The following TMEM267 variants were observed in gnomAD, a reference collection of about 807,000 sequenced individuals.
The protein encoded by TMEM267 is transmembrane protein 267.
TMEM267 carries 20 observed loss-of-function variants against 19.3 expected under a neutral mutation model. The ratio of observed to expected loss-of-function variants is 1.04; its 90% confidence interval spans 0.73 to 1.51. The LOEUF is 1.51. Ranked by LOEUF, TMEM267 falls within the 40% of genes most tolerant of loss-of-function variation. The pLI, the probability that TMEM267 is intolerant of heterozygous loss-of-function variation, is 0.00. For missense variants in TMEM267, 242 were observed against 261.9 expected (o/e 0.92, Z 0.52); for synonymous variants, 88 against 90.3 (o/e 0.97, Z 0.15).
chr5:43,481,949 T>C lies in TMEM267; in HGVS notation c.-75+1873A>G, dbSNP rs1275781466. Among the ~76,000 whole-genome samples, 5 of 152,246 alleles carry C rather than the reference T, an allele frequency of 3.3e-5. No individual in the cohort carries two copies. In the East Asian group the frequency reaches 9.7e-4, roughly 29 times the overall value. ...GCTCCCCCTCCCGGGTTCACGCCATTCTCCTGCCTCAGCCTCCCGAATAGC... is the reference window on the plus strand; with the variant it reads ...GCTCCCCCTCCCGGGTTCACGCCATCCTCCTGCCTCAGCCTCCCGAATAGC... On this transcript the variant is annotated intron_variant, in intron 1 of 2. Transcript: ENST00000397080.
At chr5:43,452,601 A>AAAT (rs1419743418) in intron 2 of TMEM267, among the ~76,000 whole-genome samples, 3 of 151,784 alleles carry the variant, frequency 2.0e-5, no homozygotes, top group African/African-American at 7.3e-5. Flanking sequence ...AAAAAAAAAA[A>AAAT]ACTGAAGAAA....
intron 1 of TMEM267, among the ~76,000 whole-genome samples, chr5:43,461,194 C>A (rs1170619467): frequency 6.6e-6 from 1 of 152,192 alleles, no homozygotes; most frequent in African/African-American, 2.4e-5. Context: ...AGAAGGGAAA[C>A]CCCTGCCTTG....
rs749993631 is a variant in TMEM267, at chr5:43,453,771, C to T, written c.199G>A (p.Val67Ile). The change falls in exon 2 of 3, where the codon GTA (valine) becomes ATA (isoleucine). Residue 67 changes from valine (V) to isoleucine (I), a missense_variant. By Grantham distance (29) the Val-to-Ile change is conservative (BLOSUM62 3). Coordinates refer to ENST00000397080, the MANE Select transcript of TMEM267 (RefSeq NM_022483.5). Reference sequence around the variant, plus strand: ...GTCTTCTTCTTGATTCCAGTGACTACCGCCCATGACCACATGCCAATTACA... The same window carrying T: ...GTCTTCTTCTTGATTCCAGTGACTATCGCCCATGACCACATGCCAATTACA... ...HCVIGMWSWA[V>I]VTGIKKKTDF... 5 of 1,613,916 alleles carry T rather than the reference C, an allele frequency of 3.1e-6. No homozygotes were observed. The African/African-American group carries it at 5.3e-5, about 17-fold the overall frequency.
chr5:43,469,998 T>G (rs1392997373), intron 1 of TMEM267, among the ~76,000 whole-genome samples: 12 of 152,228 alleles, frequency 7.9e-5, no homozygotes, highest in Non-Finnish European at 1.8e-4. Context: ...GCAGATTCAC[T>G]GAGCCAGATA....
intron 2 of TMEM267, 119 bp downstream of exon 2, chr5:43,453,539 C>T (rs1579790319): frequency 1.1e-6 from 1 of 872,002 alleles, no homozygotes; most frequent in East Asian, 2.6e-5. Context: ...AAAAAGGTTA[C>T]ATGAATGTGC....
intron 1 of TMEM267, among the ~76,000 whole-genome samples, chr5:43,468,875 C>A (rs1418258920): frequency 1.3e-5 from 2 of 152,164 alleles, no homozygotes; most frequent in Non-Finnish European, 2.9e-5. Context: ...CAAGCATCTT[C>A]CCTGACCACA....
intron 1 of TMEM267, among the ~76,000 whole-genome samples, chr5:43,469,710 G>C (rs1026868340): frequency 1.3e-5 from 2 of 152,166 alleles, no homozygotes; most frequent in Non-Finnish European, 2.9e-5. Context: ...CAAGAGAAAA[G>C]TAAACTTGGG....
chr5:43,482,951 T>C (rs1402718753), intron 1 of TMEM267, among the ~76,000 whole-genome samples: 1 of 152,240 alleles, frequency 6.6e-6, no homozygotes, highest in African/African-American at 2.4e-5. Context: ...GTCATCTGTT[T>C]TAACTTTCCC....
chr5:43,478,892 A>G (rs1744590820), intron 1 of TMEM267, among the ~76,000 whole-genome samples: 1 of 152,130 alleles, frequency 6.6e-6, no homozygotes, highest in African/African-American at 2.4e-5. Flanking sequence ...GATCACTCTC[A>G]AAGATTATTG....
intron 1 of TMEM267, among the ~76,000 whole-genome samples, chr5:43,458,439 C>G (rs1157142119): frequency 2.0e-5 from 3 of 152,128 alleles, no homozygotes; most frequent in African/African-American, 7.2e-5. Flanking sequence ...TAGTATAATT[C>G]TACTTATTTA....
chr5:43,458,640 CTG>C (rs1261443372), intron 1 of TMEM267, among the ~76,000 whole-genome samples: 21 of 152,130 alleles, frequency 1.4e-4, no homozygotes, highest in African/African-American at 4.1e-4. Flanking sequence ...ACGTATCAAA[CTG>C]TATATTTTAA....
At chr5:43,460,401 C>G (rs1166606915) in intron 1 of TMEM267, among the ~76,000 whole-genome samples, 2 of 152,026 alleles carry the variant, frequency 1.3e-5, no homozygotes, top group Non-Finnish European at 2.9e-5. Context: ...AGCAAAATAG[C>G]AGAATAGAAG....
chr5:43,473,339 T>C (rs897573528), intron 1 of TMEM267, among the ~76,000 whole-genome samples: 3 of 152,014 alleles, frequency 2.0e-5, no homozygotes, highest in Non-Finnish European at 4.4e-5. Flanking sequence ...GATGACATGA[T>C]TGTATAATTA....
chr5:43,458,581 T>C (rs1008977267), intron 1 of TMEM267, among the ~76,000 whole-genome samples: 2 of 152,226 alleles, frequency 1.3e-5, no homozygotes, highest in Admixed American at 6.5e-5. Context: ...GTTCATTATC[T>C]TGACTGTGGT....
intron 1 of TMEM267, among the ~76,000 whole-genome samples, chr5:43,456,374 G>T (rs78321138): frequency 6.6e-6 from 1 of 152,104 alleles, no homozygotes; most frequent in South Asian, 2.1e-4. Context: ...CTTGGGTCAC[G>T]CAAAGAGTTA....
intron 1 of TMEM267, chr5:43,454,583 T>C (rs1742831991): frequency 6.6e-6 from 1 of 152,254 alleles, no homozygotes; most frequent in African/African-American, 2.4e-5. Flanking sequence ...TTGGAGGCCA[T>C]GGGCTCCACT....
intron 1 of TMEM267, among the ~76,000 whole-genome samples, chr5:43,463,820 T>C (rs547678035): frequency 1.6e-4 from 25 of 152,306 alleles, no homozygotes; most frequent in Non-Finnish European, 3.5e-4. Context: ...TAATCAGAGC[T>C]ATCTATGACA....
chr5:43,468,491 G>T (rs1470266046), intron 1 of TMEM267, among the ~76,000 whole-genome samples: 1 of 152,124 alleles, frequency 6.6e-6, no homozygotes, highest in Non-Finnish European at 1.5e-5. Flanking sequence ...GAAAAAGGGA[G>T]AGTCTAAAAA....
chr5:43,452,965 G>A (rs903561658), intron 2 of TMEM267, among the ~76,000 whole-genome samples: 14 of 152,144 alleles, frequency 9.2e-5, no homozygotes, highest in Admixed American at 7.2e-4. Flanking sequence ...TCATAAGCAC[G>A]TAAAATATAG....
Sources: allele counts gnomAD v4.1 joint callset (sites outside exome capture counted in the v4.1 genomes callset), GRCh38; gene constraint gnomAD v4.1.1; transcripts MANE v1.5; gene names NCBI Gene and HGNC (gene_info 2026-07-23, HGNC 2026-07-21).